Variants in AKAP14 observed in about 807,000 individuals in gnomAD.
The protein encoded by AKAP14 is A-kinase anchoring protein 14.
AKAP14 carries 4 observed loss-of-function variants against 17.0 expected under a neutral mutation model. The ratio of observed to expected loss-of-function variants is 0.23; its 90% CI spans 0.12 to 0.54. AKAP14 has a LOEUF of 0.54. Among genes scored for constraint, AKAP14 ranks in the 20% least tolerant of loss-of-function variants. AKAP14 has a pLI of 0.95. For missense variants in AKAP14, 129 were observed against 150.9 expected (o/e 0.85, Z 0.76); for synonymous variants, 42 against 51.3 (o/e 0.82, Z 0.77).
At chrX:119,900,464 C>T (rs1235783963) in intron 2 of AKAP14, among the ~76,000 whole-genome samples, 1 of 111,803 alleles carries the variant, frequency 8.9e-6, no homozygotes, top group African/African-American at 3.2e-5. Context: ...AAACTCCTCA[C>T]CTCAGGTGAT....
At chrX:119,918,263 G>A (rs1010198094) in intron 5 of AKAP14, among the ~76,000 whole-genome samples, 1 of 110,787 alleles carries the variant, frequency 9.0e-6, no homozygotes, top group African/African-American at 3.3e-5. Flanking sequence ...ATGGAGTCTC[G>A]TTCTGTCTTC....
rs2147837939 is a variant in AKAP14, at chrX:119,915,980, TTC to T, written c.441+1104_441+1105del. Among the ~76,000 whole-genome samples, 3 of 110,628 alleles carry T rather than the reference TTC, an allele frequency of 2.7e-5. No individual in the cohort carries two copies. The Admixed American group carries it at 2.9e-4, about 11-fold the overall frequency. On this transcript the variant is annotated intron_variant, in intron 5 of 6. Transcript: ENST00000371431. ...TGAATGAGTCTTGTAAAACAAATTT[TTC>T]TTTTTCTTTTTTTTTTTAAGAGATG...
At chrX:119,901,036 T>C (rs1300696789) in intron 2 of AKAP14, among the ~76,000 whole-genome samples, 1 of 112,183 alleles carries the variant, frequency 8.9e-6, no homozygotes, top group Non-Finnish European at 1.9e-5. Context: ...TGTCAATACA[T>C]GTTAAAGGCA....
At chrX:119,909,880 G>A (rs1227932413) in intron 4 of AKAP14, among the ~76,000 whole-genome samples, 7 of 90,402 alleles carry the variant, frequency 7.7e-5, no homozygotes, top group Admixed American at 1.3e-4. Flanking sequence ...GAGGGACTCC[G>A]TCTCAAAAAA....
chrX:119,897,839 T>C (rs983715650), intron 2 of AKAP14, among the ~76,000 whole-genome samples: 8 of 111,225 alleles, frequency 7.2e-5, no homozygotes, highest in Non-Finnish European at 1.5e-4. Context: ...ATAAAATAAA[T>C]AGCCTGGTGT....
intron 5 of AKAP14, among the ~76,000 whole-genome samples, chrX:119,916,577 T>C (rs2056659589): frequency 9.4e-6 from 1 of 106,802 alleles, no homozygotes; most frequent in Non-Finnish European, 1.9e-5. Flanking sequence ...CTGCAGCCTC[T>C]ACTTCTTGGG....
At chrX:119,916,582 C>T (rs1001628561) in intron 5 of AKAP14, among the ~76,000 whole-genome samples, 2 of 106,253 alleles carry the variant, frequency 1.9e-5, no homozygotes, top group African/African-American at 6.8e-5. Flanking sequence ...GCCTCTACTT[C>T]TTGGGCTCAA....
chrX:119,897,377 T>C (rs376282578), intron 2 of AKAP14, among the ~76,000 whole-genome samples: 12 of 108,979 alleles, frequency 1.1e-4, no homozygotes, highest in African/African-American at 4.0e-4. Flanking sequence ...GCCAGGATGG[T>C]CTCGATCTCC....
In AKAP14 at chrX:119,903,642, ACT is replaced by A. The variant is rs769329081; in HGVS notation, c.261+60_261+61del. On this transcript the variant is annotated intron_variant, in intron 4 of 6. Coordinates refer to ENST00000371431, the MANE Select transcript of AKAP14 (RefSeq NM_178813.6). ...CACCGGTGTGAAGAACAATAAAGAG[ACT>A]CTCAGCAGATCAAAAGTTTGAAGTC... is the stretch of plus-strand genomic sequence containing the variant. 13 of 1,195,968 alleles carry A rather than the reference ACT, an allele frequency of 1.1e-5. No individual in the cohort carries two copies. The African/African-American group carries it at 2.3e-4, about 21-fold the overall frequency.
intron 5 of AKAP14, among the ~76,000 whole-genome samples, chrX:119,916,433 A>AATCT (rs66480348): frequency 0.044 from 4,344 of 99,038 alleles, 74 homozygotes; most frequent in East Asian, 0.056. Context: ...CTGCCTATCT[A>AATCT]ATCTATCTAT....
intron 4 of AKAP14, among the ~76,000 whole-genome samples, chrX:119,906,692 C>A (rs2147831981): frequency 9.0e-6 from 1 of 110,835 alleles, no homozygotes; most frequent in East Asian, 2.8e-4. Flanking sequence ...TGCCACCATG[C>A]CAGGCCAATT....
intron 4 of AKAP14, among the ~76,000 whole-genome samples, chrX:119,909,412 C>T (rs758544688): frequency 9.1e-6 from 1 of 110,008 alleles, no homozygotes; most frequent in African/African-American, 3.3e-5. Context: ...CCTGTAATGC[C>T]AGCTACTCGG....
chrX:119,902,707 T>C (rs902514850), intron 2 of AKAP14, among the ~76,000 whole-genome samples: 7 of 111,422 alleles, frequency 6.3e-5, no homozygotes, highest in African/African-American at 2.0e-4. Context: ...TGTTTTGTTT[T>C]TGAGATGGAG....
chrX:119,914,628 G>C (rs2056646593), intron 4 of AKAP14, 71 bp from the exon 5 acceptor site: 4 of 1,048,696 alleles, frequency 3.8e-6, no homozygotes, highest in Non-Finnish European at 5.1e-6. Flanking sequence ...CAGCCATGCT[G>C]CATTTATCTA....
intron 4 of AKAP14, among the ~76,000 whole-genome samples, chrX:119,906,701 T>A (rs2147831989): frequency 9.1e-6 from 1 of 110,433 alleles, no homozygotes; most frequent in East Asian, 2.8e-4. Flanking sequence ...GCCAGGCCAA[T>A]TTATTTTTTA....
At chrX:119,901,443 A>G (rs1045943161) in intron 2 of AKAP14, among the ~76,000 whole-genome samples, 13 of 111,220 alleles carry the variant, frequency 1.2e-4, no homozygotes, top group African/African-American at 4.2e-4. Flanking sequence ...GGTGGCTCAC[A>G]CCTGTAATCC....
Position 119,920,631 on chromosome X carries a change from G to T in AKAP14, c.*24G>T. The T allele has an allele frequency of 9.1e-7, 1 of 1,104,088 alleles. No individual in the cohort carries two copies. The highest frequency in any genetic ancestry group is 1.8e-5 in the African/African-American group (1 of 55,795). The allele number at this position is 1,104,088 out of a possible 1,213,427, so 91.0% of individuals were successfully genotyped here. ...GATACTTACAGGATGTCTTAGGATT[G>T]TTTTTCTCATCAGGATACATTAAAA... On this transcript the variant is annotated 3_prime_UTR_variant, in exon 7 of 7. Coordinates refer to ENST00000371431, the MANE Select transcript of AKAP14 (RefSeq NM_178813.6).
chrX:119,908,347 C>T (rs749034916), intron 4 of AKAP14, among the ~76,000 whole-genome samples: 2 of 107,715 alleles, frequency 1.9e-5, no homozygotes, highest in Admixed American at 2.0e-4. Flanking sequence ...GGAACACTTA[C>T]ACATTGCCAA....
rs2056580497 is a variant in AKAP14, at chrX:119,903,529, G to A, written c.204G>A (p.Met68Ile). Reference sequence around the variant, plus strand: ...ACCCTTTGAAAAACATCAAGTGGATGACTCACGGTGAATTCACTGTGGAAA... The same window carrying A: ...ACCCTTTGAAAAACATCAAGTGGATAACTCACGGTGAATTCACTGTGGAAA... ...ERNPLKNIKWMTHGEFTVEKG... is the reference protein window; with the variant it reads ...ERNPLKNIKWITHGEFTVEKG... The change falls in exon 4 of 7, where the codon ATG (methionine) becomes ATA (isoleucine). Residue 68 changes from methionine to isoleucine, a missense_variant. Coordinates refer to ENST00000371431, the MANE Select transcript of AKAP14 (RefSeq NM_178813.6). The A allele has an allele frequency of 8.3e-7, 1 of 1,211,695 alleles. No homozygotes were observed. The highest frequency in any genetic ancestry group is 1.8e-5 in the South Asian group (1 of 56,993).
Sources: allele counts gnomAD v4.1 joint callset (sites outside exome capture counted in the v4.1 genomes callset), GRCh38; gene constraint gnomAD v4.1.1; transcripts MANE v1.5; gene names NCBI Gene and HGNC (gene_info 2026-07-23, HGNC 2026-07-21).